ZNF418: variants seen among roughly 807,000 people sequenced by gnomAD.
The protein encoded by ZNF418 is zinc finger protein 418.
A neutral mutation model predicts 32.0 loss-of-function variants in ZNF418; 32 were observed. The ratio of observed to expected loss-of-function variants is 1.00; its 90% confidence interval spans 0.75 to 1.34. The LOEUF (loss-of-function observed/expected upper bound fraction) is 1.34. Among genes scored for constraint, ZNF418 ranks in the 40% most tolerant of loss-of-function variants. The pLI, the probability that ZNF418 is intolerant of heterozygous loss-of-function variation, is 0.00. For synonymous variants in ZNF418, 276 were observed against 270.7 expected, an observed-to-expected ratio of 1.02 and a Z score of -0.19; for missense variants, 804 against 812.5, an observed-to-expected ratio of 0.99 and a Z score of 0.13.
chr19:57,931,438 G>A (rs2072483913), intron 2 of ZNF418, among the ~76,000 whole-genome samples: 1 of 152,110 alleles, frequency 6.6e-6, no homozygotes, highest in African/African-American at 2.4e-5. Flanking sequence ...CTGATCTCAG[G>A]TGATCCACCC....
Position 57,935,202 on chromosome 19 carries a change from C to G in ZNF418, c.-122G>C, listed in dbSNP as rs1421330588. On this transcript the variant is annotated 5_prime_UTR_variant, in exon 1 of 6. Transcript: ENST00000396147. Reference sequence around the variant, plus strand: ...AGCGCGGCCGCCGCCATCCCGAGTACGCGGGGAAAGCACTGCCGGGAGCGG... The same window carrying G: ...AGCGCGGCCGCCGCCATCCCGAGTAGGCGGGGAAAGCACTGCCGGGAGCGG... 8.5e-6 allele frequency: 11 copies of G among 1,294,686 alleles called. No individual in the cohort carries two copies. The highest frequency in any genetic ancestry group is 1.1e-5 in the Non-Finnish European group (11 of 1,002,060). The allele number at this position is 1,294,686 out of a possible 1,614,324, so 80.2% of individuals were successfully genotyped here. A position where few individuals can be genotyped will look rare whatever the true frequency, so the allele number is the denominator to read the frequency against.
chr19:57,935,162 T>C lies in ZNF418; in HGVS notation c.-82A>G. ...TGAGGGCAGGGAAGGCACAATTACC[T>C]GAGCCGGGAGCCTCAGCGCGGCCGC... is the stretch of plus-strand genomic sequence containing the variant. On this transcript the variant is annotated splice_region_variant and 5_prime_UTR_variant, in exon 1 of 6. Transcript: ENST00000396147. 7.6e-7 allele frequency: 1 copy of C among 1,310,008 alleles called. No individual in the cohort carries two copies. The allele number at this position is 1,310,008 out of a possible 1,614,324, so 81.1% of individuals were successfully genotyped here. A position where few individuals can be genotyped will look rare whatever the true frequency, so the allele number is the denominator to read the frequency against.
chr19:57,926,277 G>C lies in ZNF418; in HGVS notation c.1904C>G (p.Thr635Ser). 1 of 1,572,134 alleles carries C rather than the reference G, an allele frequency of 6.4e-7. No homozygotes were observed. ...TCCAGTGTGTACTCTCCTGTGTTCAGTAAGACTGAAGGTTTCAGCAAAGGA... is the reference window on the plus strand; with the variant it reads ...TCCAGTGTGTACTCTCCTGTGTTCACTAAGACTGAAGGTTTCAGCAAAGGA... Reference protein sequence around the residue: ...GKSFAETFSLTEHRRVHTGER... With the variant: ...GKSFAETFSLSEHRRVHTGER... Residue 635 changes from threonine to serine, a missense_variant, in exon 4 of 6, where the codon ACT becomes AGT. Transcript: ENST00000396147.
chr19:57,922,748 T>G (rs1312217005), intron 5 of ZNF418, 119 bp from the exon 6 acceptor site: 5 of 391,558 alleles, frequency 1.3e-5, no homozygotes, highest in Non-Finnish European at 2.2e-5. Context: ...CCTGTAATCT[T>G]AGCATTTTGA....
rs190260455 is a variant in ZNF418 at position 57,924,358 on chromosome 19, T to A, written c.*528-1069A>T. Among the ~76,000 whole-genome samples, 387 of 152,248 alleles carry A rather than the reference T, an allele frequency of 2.5e-3. 2 individuals carry two copies. Among genetic ancestry groups the A allele is most frequent in the Non-Finnish European group, 4.7e-3 (322 of 68,010 alleles). On this transcript the variant is annotated intron_variant, in intron 4 of 5. Transcript: ENST00000396147. ...TAAGAGATCTCCCTTCTCCCTATCC[T>A]CTTCCTCCTGCCAATGCAGGAATTG...
rs2072442291 is a variant in ZNF418 at position 57,930,518 on chromosome 19, A to C, written c.43T>G (p.Ser15Ala). ...CTAAGGAGACTCCACTCCTCCTGGG[A>C]AAAGTTCACAGCCACATCTTCAAAT... Reference protein sequence around the residue: ...VAFEDVAVNFSQEEWSLLSEV... With the variant: ...VAFEDVAVNFAQEEWSLLSEV... Residue 15 changes from serine (S) to alanine (A), a missense_variant, in exon 3 of 6, where the codon TCC becomes GCC. By Grantham distance (99) the Ser-to-Ala change is moderately conservative. Transcript: ENST00000396147. The C allele has an allele frequency of 6.2e-7, 1 of 1,614,084 alleles. No homozygotes were observed. Among genetic ancestry groups the C allele is most frequent in the Non-Finnish European group, 8.5e-7 (1 of 1,179,998 alleles).
Position 57,926,988 on chromosome 19 carries a change from T to C in ZNF418, c.1193A>G (p.Tyr398Cys). The C allele has an allele frequency of 6.2e-7, 1 of 1,614,180 alleles. No homozygotes were observed. Among genetic ancestry groups the C allele is most frequent in the African/African-American group, 1.3e-5 (1 of 75,042 alleles). ...HHRVHTRERP[Y>C]ECGECGKSFS... Reference sequence around the variant, plus strand: ...AGATTTCCCACATTCTCCACACTCATAAGGTCGTTCTCTAGTGTGAACTCG... The same window carrying C: ...AGATTTCCCACATTCTCCACACTCACAAGGTCGTTCTCTAGTGTGAACTCG... Residue 398 changes from tyrosine to cysteine, a missense_variant, in exon 4 of 6, where the codon TAT becomes TGT. By Grantham distance (194) the Tyr-to-Cys change is radical (BLOSUM62 -2). This residue lies in a region of ZNF418 where 475 missense variants were observed against 458.6 expected (regional missense o/e 1.04). Transcript: ENST00000396147.
At position 57,926,267 on chromosome 19, in the gene ZNF418, C is replaced by T. The variant is rs1197792357; in HGVS notation, c.1914G>A (p.Arg638=). The change falls in exon 4 of 6, where the codon AGG becomes AGA. Residue 638 remains arginine, a synonymous_variant. Transcript: ENST00000396147. ...AAGGCCTTTCTCCAGTGTGTACTCT[C>T]CTGTGTTCAGTAAGACTGAAGGTTT... ...FAETFSLTEH[R]RVHTGERPYE... 6.2e-7 allele frequency: 1 copy of T among 1,613,530 alleles called. No individual in the cohort carries two copies. Among genetic ancestry groups the T allele is most frequent in the African/African-American group, 1.3e-5 (1 of 74,854 alleles).
chr19:57,925,390 G>A (rs1402051048), intron 4 of ZNF418, among the ~76,000 whole-genome samples: 3 of 151,864 alleles, frequency 2.0e-5, no homozygotes, highest in African/African-American at 4.8e-5. Flanking sequence ...GAACCCGGGA[G>A]GCGGAGCTTG....
rs1041422962 is a variant in ZNF418 at position 57,926,401 on chromosome 19, T to A, written c.1780A>T (p.Arg594Trp). The A allele has an allele frequency of 1.2e-6, 2 of 1,613,202 alleles. No homozygotes were observed. The highest frequency in any genetic ancestry group is 1.7e-5 in the Admixed American group (1 of 59,978). Residue 594 changes from arginine to tryptophan, a missense_variant, in exon 4 of 6, where the codon AGG becomes TGG. This residue lies in a region of ZNF418 where 475 missense variants were observed against 458.6 expected (regional missense o/e 1.04). Coordinates refer to ENST00000396147, the MANE Select transcript of ZNF418 (RefSeq NM_133460.3). The stretch of plus-strand genomic sequence containing the variant: ...CGAGTAAATGTTTTTCCACATTCCC[T>A]GCATTCATAAGGCCTTTCTCCAGTG... ...VHTGERPYEC[R>W]ECGKTFTRRS...
Position 57,925,992 on chromosome 19 carries a change from G to T in ZNF418, c.*158C>A. On this transcript the variant is annotated 3_prime_UTR_variant, in exon 4 of 6. Coordinates refer to ENST00000396147, the MANE Select transcript of ZNF418 (RefSeq NM_133460.3). Reference sequence around the variant, plus strand: ...TTCTCACATTCATCGCACTCAAGAGGCCCTTCTGCAGTGGGAGCTCTTCTG... The same window carrying T: ...TTCTCACATTCATCGCACTCAAGAGTCCCTTCTGCAGTGGGAGCTCTTCTG... The T allele has an allele frequency of 1.6e-6, 1 of 620,932 alleles. No individual in the cohort carries two copies. The highest frequency in any genetic ancestry group is 2.8e-6 in the Non-Finnish European group (1 of 358,062). 38.5% of individuals were successfully genotyped at this position (620,932 alleles called of 1,614,324 possible). A position where few individuals can be genotyped will look rare whatever the true frequency, so the allele number is the denominator to read the frequency against.
rs758124990 is a variant in ZNF418, at chr19:57,927,287, C to G, written c.894G>C (p.Lys298Asn). 2 of 1,613,902 alleles carry G rather than the reference C, an allele frequency of 1.2e-6. No homozygotes were observed. The highest frequency in any genetic ancestry group is 1.1e-5 in the South Asian group (1 of 91,034). Residue 298 changes from lysine (K) to asparagine (N), a missense_variant, in exon 4 of 6, where the codon AAG becomes AAC. Physicochemically the swap from Lys to Asn is moderately conservative, Grantham distance 94 (BLOSUM62 0). Transcript: ENST00000396147. ...CGECGKSFSH[K>N]GSLVQHQRVH... is the part of the protein sequence containing the mutation. ...CTCGCTGATGCTGAACAAGGCTGCC[C>G]TTATGACTAAAAGATTTCCCACATT...
At chr19:57,931,256 C>T (rs903786835) in intron 2 of ZNF418, among the ~76,000 whole-genome samples, 7 of 151,912 alleles carry the variant, frequency 4.6e-5, no homozygotes, top group South Asian at 2.1e-4. Context: ...GACAAGAGTG[C>T]GGTGGCGGGA....
chr19:57,932,454 A>G, intron 2 of ZNF418: 1 of 1,535,484 alleles, frequency 6.5e-7, no homozygotes, highest in Non-Finnish European at 8.7e-7. Flanking sequence ...GGCTCCCAAT[A>G]GCAATGCAGT....
Position 57,926,162 on chromosome 19 carries a change from A to T in ZNF418, c.2019T>A (p.Ser673Arg), listed in dbSNP as rs772656076. The change falls in exon 4 of 6, where the codon AGT (serine) becomes AGA (arginine). Residue 673 changes from serine to arginine, a missense_variant. Ser to Arg is a moderately radical substitution (Grantham distance 110). This residue lies in a region of ZNF418 where 475 missense variants were observed against 458.6 expected (regional missense o/e 1.04). Coordinates refer to ENST00000396147, the MANE Select transcript of ZNF418 (RefSeq NM_133460.3). ...CCCAAATTTCTTTTCACTTGTAAGG[A>T]CTTCTTTCTGTGTGAACTCTCTGAT... is the stretch of plus-strand genomic sequence containing the variant. ...LRHQRVHTER[S>R]PYK The T allele has an allele frequency of 6.2e-7, 1 of 1,609,738 alleles. No individual in the cohort carries two copies. Among genetic ancestry groups the T allele is most frequent in the African/African-American group, 1.3e-5 (1 of 74,796 alleles).
chr19:57,927,193 TGA>T lies in ZNF418; in HGVS notation c.986_987del (p.Leu329HisfsTer2), dbSNP rs745655014. The T allele has an allele frequency of 1.6e-4, 254 of 1,613,918 alleles. No homozygotes were observed. The African/African-American group carries it at 3.0e-3, about 19-fold the overall frequency. The stretch of plus-strand genomic sequence containing the variant: ...CCAGTGTGAACTCGTTGATGTTTAA[TGA>T]GAGTACCATTTTGACTAAAAGATTT... ...CGKSFSQNGT[L>X]IKHQRVHTGE... On this transcript the variant is annotated frameshift_variant, in exon 4 of 6. Coordinates refer to ENST00000396147, the MANE Select transcript of ZNF418 (RefSeq NM_133460.3). LOFTEE classifies it low-confidence loss of function (END_TRUNC).
chr19:57,922,292 T>C lies in ZNF418; in HGVS notation c.*963A>G, dbSNP rs2072025611. The C allele has an allele frequency of 3.4e-6, 1 of 297,430 alleles. No individual in the cohort carries two copies. The highest frequency in any genetic ancestry group is 2.2e-5 in the African/African-American group (1 of 46,410). 18.4% of individuals were successfully genotyped at this position (297,430 alleles called of 1,614,324 possible). ...ACGAGATGGGCTTTTATTAACCTCT[T>C]TGTTAGTTTCATCAATCGAGAAGAG... On this transcript the variant is annotated 3_prime_UTR_variant, in exon 6 of 6. Coordinates refer to ENST00000396147, the MANE Select transcript of ZNF418 (RefSeq NM_133460.3).
At position 57,934,198 on chromosome 19, in the gene ZNF418, AGGGAATG is replaced by A; in HGVS notation, c.-80-303_-80-297del. On this transcript the variant is annotated intron_variant, in intron 1 of 5. Transcript: ENST00000396147. ...ATGTGAATGGGGAATAAGGCCAGTG[AGGGAATG>A]GAACACCCTCTAATTCCCTCTGTGG... 2.6e-6 allele frequency: 3 copies of A among 1,139,216 alleles called. No homozygotes were observed. The South Asian group carries it at 8.4e-5, about 32-fold the overall frequency. The allele number at this position is 1,139,216 out of a possible 1,614,324, so 70.6% of individuals were successfully genotyped here. A position where few individuals can be genotyped will look rare whatever the true frequency, so the allele number is the denominator to read the frequency against.
rs114784933 is a variant in ZNF418, at chr19:57,928,636, C to A, written c.134-589G>T. The stretch of plus-strand genomic sequence containing the variant: ...TGACATGTTAATGCTATATAGAAGG[C>A]TATGTCCAGGCCTAAGAAAATGATT... On this transcript the variant is annotated intron_variant, in intron 3 of 5. Transcript: ENST00000396147. Among the ~76,000 whole-genome samples the A allele has an allele frequency of 9.6e-3, 1,466 of 152,216 alleles. 31 individuals carry two copies. Among genetic ancestry groups the A allele is most frequent in the African/African-American group, 0.033 (1,360 of 41,524 alleles).
Sources: allele counts gnomAD v4.1 joint callset (sites outside exome capture counted in the v4.1 genomes callset), GRCh38; gene constraint gnomAD v4.1.1; regional missense constraint gnomAD v4.1.1; transcripts MANE v1.5; gene names NCBI Gene and HGNC (gene_info 2026-07-23, HGNC 2026-07-21).